The following LHFPL3 variants were observed in gnomAD, a reference collection of about 807,000 sequenced individuals.
The protein encoded by LHFPL3 is LHFPL tetraspan subfamily member 3.
A neutral mutation model predicts 19.3 loss-of-function variants in LHFPL3; 5 were observed. That is an observed-to-expected ratio of 0.26 (90% CI 0.14 to 0.54). LHFPL3 has a LOEUF of 0.54. LHFPL3 is among the 20% of genes least tolerant of loss of function. The pLI is 0.94. For missense variants in LHFPL3, 249 were observed against 307.4 expected (o/e 0.81, Z 1.42); for synonymous variants, 133 against 126.2 (o/e 1.05, Z -0.36).
chr7:104,868,781 C>A (rs1285405339), intron 2 of LHFPL3, among the ~76,000 whole-genome samples: 6 of 152,080 alleles, frequency 3.9e-5, no homozygotes, highest in African/African-American at 1.4e-4. Context: ...AATCCTAACC[C>A]AAAAGAACAA....
intron 1 of LHFPL3, among the ~76,000 whole-genome samples, chr7:104,466,229 C>CA (rs1051142620): frequency 2.0e-5 from 3 of 152,124 alleles, no homozygotes; most frequent in Middle Eastern, 6.8e-3. Flanking sequence ...TGAAAGTGTG[C>CA]AAAAAAACTA....
intron 1 of LHFPL3, among the ~76,000 whole-genome samples, chr7:104,339,270 A>T (rs1789901713): frequency 6.6e-6 from 1 of 152,196 alleles, no homozygotes; most frequent in African/African-American, 2.4e-5. Context: ...AAAAGAAATA[A>T]TAATGATAAA....
chr7:104,335,327 C>A (rs10274138), intron 1 of LHFPL3, among the ~76,000 whole-genome samples: 2 of 152,064 alleles, frequency 1.3e-5, no homozygotes, highest in Non-Finnish European at 2.9e-5. Flanking sequence ...GAAAGGATAC[C>A]TACAGCCAGT....
chr7:104,591,531 T>A (rs1306152590), intron 1 of LHFPL3, among the ~76,000 whole-genome samples: 2 of 152,218 alleles, frequency 1.3e-5, no homozygotes, highest in African/African-American at 4.8e-5. Flanking sequence ...GACCTTTCTC[T>A]CTGGCTGCCC....
rs200656860 is a variant in LHFPL3 at position 104,393,386 on chromosome 7, T to TAA, written c.445+64172_445+64173dup. 2.9e-3 allele frequency among the ~76,000 whole-genome samples: 427 copies of TAA among 146,442 alleles called. 3 individuals carry two copies. The highest frequency in any genetic ancestry group is 8.6e-3 in the South Asian group (40 of 4,626). Reference sequence around the variant, plus strand: ...ATGAAGATCCATAATAACCACAAAGTAAAAAAAAAAATTATGTTCATCAAT... The same window carrying TAA: ...ATGAAGATCCATAATAACCACAAAGTAAAAAAAAAAAAATTATGTTCATCAAT... On this transcript the variant is annotated intron_variant, in intron 1 of 2. Coordinates refer to ENST00000424859, the MANE Select transcript of LHFPL3 (RefSeq NM_199000.3).
At chr7:104,331,256 G>T (rs954042821) in intron 1 of LHFPL3, among the ~76,000 whole-genome samples, 2 of 152,134 alleles carry the variant, frequency 1.3e-5, no homozygotes, top group African/African-American at 4.8e-5. Context: ...TTGTTCTCAG[G>T]CATTTGACAT....
chr7:104,577,144 C>A (rs1790353004), intron 1 of LHFPL3, among the ~76,000 whole-genome samples: 4 of 152,194 alleles, frequency 2.6e-5, no homozygotes, highest in African/African-American at 9.6e-5. Flanking sequence ...GAACATCAAA[C>A]ATAAATCAGG....
At chr7:104,564,889 C>T (rs758343562) in intron 1 of LHFPL3, among the ~76,000 whole-genome samples, 4 of 152,190 alleles carry the variant, frequency 2.6e-5, no homozygotes, top group Non-Finnish European at 4.4e-5. Flanking sequence ...ATCTTCCTCG[C>T]AGTGCTAGAG....
At chr7:104,862,788 G>A (rs1791640769) in intron 2 of LHFPL3, among the ~76,000 whole-genome samples, 1 of 152,162 alleles carries the variant, frequency 6.6e-6, no homozygotes, top group Non-Finnish European at 1.5e-5. Flanking sequence ...CACAACCTGG[G>A]AAGTAAGCAG....
At chr7:104,384,836 G>A (rs934334506) in intron 1 of LHFPL3, among the ~76,000 whole-genome samples, 2 of 151,102 alleles carry the variant, frequency 1.3e-5, no homozygotes, top group Non-Finnish European at 2.9e-5. Flanking sequence ...TCAAAAGAGG[G>A]GCTGTCCAGA....
At chr7:104,467,694 A>G (rs1221374071) in intron 1 of LHFPL3, among the ~76,000 whole-genome samples, 1 of 152,242 alleles carries the variant, frequency 6.6e-6, no homozygotes, top group Non-Finnish European at 1.5e-5. Context: ...CAATGAAGAA[A>G]TTAGATACAC....
At chr7:104,571,696 A>G (rs1790234185) in intron 1 of LHFPL3, among the ~76,000 whole-genome samples, 1 of 152,182 alleles carries the variant, frequency 6.6e-6, no homozygotes, top group African/African-American at 2.4e-5. Context: ...AAGAAGCATC[A>G]CACATATTTC....
intron 2 of LHFPL3, among the ~76,000 whole-genome samples, chr7:104,782,895 T>C (rs1051244507): frequency 9.9e-5 from 15 of 152,266 alleles, no homozygotes; most frequent in Non-Finnish European, 2.2e-4. Context: ...TAAGCTTCTA[T>C]GCAGCAACCC....
intron 1 of LHFPL3, among the ~76,000 whole-genome samples, chr7:104,366,022 A>G (rs767224739): frequency 1.6e-4 from 24 of 152,194 alleles, no homozygotes; most frequent in Non-Finnish European, 2.4e-4. Flanking sequence ...ACCAGGGATG[A>G]GGACATCTAA....
At chr7:104,682,380 C>A (rs759233899) in intron 1 of LHFPL3, among the ~76,000 whole-genome samples, 2 of 152,164 alleles carry the variant, frequency 1.3e-5, no homozygotes, top group African/African-American at 4.8e-5. Context: ...ACCCACTGAA[C>A]CGGAATCTGC....
chr7:104,377,357 T>C (rs1193460322), intron 1 of LHFPL3, among the ~76,000 whole-genome samples: 1 of 152,172 alleles, frequency 6.6e-6, no homozygotes, highest in Non-Finnish European at 1.5e-5. Context: ...TGCTTATTTG[T>C]TACTCAAGAG....
At chr7:104,712,880 T>C (rs1374470506) in intron 1 of LHFPL3, among the ~76,000 whole-genome samples, 2 of 152,186 alleles carry the variant, frequency 1.3e-5, no homozygotes, top group East Asian at 1.9e-4. Flanking sequence ...TTAAAATCAA[T>C]GAAATCACAA....
chr7:104,767,342 T>A (rs1794472216), intron 2 of LHFPL3, among the ~76,000 whole-genome samples: 1 of 152,136 alleles, frequency 6.6e-6, no homozygotes, highest in Admixed American at 6.5e-5. Flanking sequence ...AACCCAGAGG[T>A]GCCTCTGGCA....
rs533865532 is a variant in LHFPL3, at chr7:104,907,714, A to G, written c.*1499A>G. Among the ~76,000 whole-genome samples the G allele has an allele frequency of 7.2e-5, 11 of 152,362 alleles. No individual in the cohort carries two copies. The highest frequency in any genetic ancestry group is 2.4e-4 in the African/African-American group (10 of 41,586). Reference sequence around the variant, plus strand: ...TCAGAACAAATCAGTGTATATCACTAGAACATCAGATGGAGGATAACACAA... The same window carrying G: ...TCAGAACAAATCAGTGTATATCACTGGAACATCAGATGGAGGATAACACAA... On this transcript the variant is annotated 3_prime_UTR_variant, in exon 3 of 3. Transcript: ENST00000424859.
Sources: allele counts gnomAD v4.1 joint callset (sites outside exome capture counted in the v4.1 genomes callset), GRCh38; gene constraint gnomAD v4.1.1; transcripts MANE v1.5; gene names NCBI Gene and HGNC (gene_info 2026-07-23, HGNC 2026-07-21).